Variants in TADA2A observed in about 807,000 individuals in gnomAD.
The protein encoded by TADA2A is transcriptional adapter 2-alpha.
Under a neutral mutation model 67.4 loss-of-function variants are expected in TADA2A, and 38 were observed. The ratio of observed to expected loss-of-function variants is 0.56; its 90% CI spans 0.44 to 0.74. The LOEUF (loss-of-function observed/expected upper bound fraction) is 0.74, where lower values mean the gene tolerates loss of function less well. Among genes scored for constraint, TADA2A ranks in the 30% least tolerant of loss-of-function variants. The probability of loss-of-function intolerance (pLI) is 0.00; values close to 1 mark genes in which losing one functional copy is unlikely to be tolerated. For missense variants in TADA2A, 454 were observed against 547.0 expected (o/e 0.83, Z 1.70); for synonymous variants, 192 against 181.6 (o/e 1.06, Z -0.46).
intron 7 of TADA2A, among the ~76,000 whole-genome samples, chr17:37,443,879 A>G (rs924309437): frequency 6.6e-6 from 1 of 152,212 alleles, no homozygotes; most frequent in African/African-American, 2.4e-5. Flanking sequence ...TTGCTCAGCT[A>G]TGGAATTAAA....
At chr17:37,453,759 A>ATTT (rs143096066) in intron 8 of TADA2A, among the ~76,000 whole-genome samples, 20 of 69,104 alleles carry the variant, frequency 2.9e-4, no homozygotes, top group African/African-American at 9.7e-4. Flanking sequence ...GAAATAACTG[A>ATTT]TTTTTTTTTT....
At chr17:37,442,742 T>A in intron 7 of TADA2A, 90 bp downstream of exon 7, 2 of 1,206,752 alleles carry the variant, frequency 1.7e-6, no homozygotes, top group Non-Finnish European at 2.3e-6. Context: ...TCCATACCAC[T>A]AAAAGGAGAT....
chr17:37,425,936 A>G (rs2052391803), intron 3 of TADA2A, among the ~76,000 whole-genome samples: 3 of 149,970 alleles, frequency 2.0e-5, no homozygotes, highest in Admixed American at 6.7e-5. Context: ...GGATTACTCC[A>G]GGCCTACTTC....
chr17:37,438,017 G>A, intron 5 of TADA2A, 188 bp downstream of exon 5: 1 of 591,986 alleles, frequency 1.7e-6, no homozygotes, highest in Non-Finnish European at 3.0e-6. Context: ...ACGAGGATAT[G>A]GGATGTTTAG....
chr17:37,411,241 T>TC, intron 1 of TADA2A, 28 bp from the exon 2 acceptor site: 1 of 820,540 alleles, frequency 1.2e-6, no homozygotes, highest in Non-Finnish European at 2.1e-6. Flanking sequence ...GATTTTCTGA[T>TC]CCATGTGCCA....
At chr17:37,439,769 G>A (rs2052841692) in intron 5 of TADA2A, among the ~76,000 whole-genome samples, 1 of 151,862 alleles carries the variant, frequency 6.6e-6, no homozygotes. Flanking sequence ...TTAAGTGTTT[G>A]GTAAACCGTA....
At position 37,463,557 on chromosome 17, in the gene TADA2A, A is replaced by G. The variant is rs1178002257; in HGVS notation, c.712+1436A>G. ...GAGTTCAAGGCTGCAGTGAGCTATA[A>G]TCATGTCACTGCACTCCAGCCTGGG... On this transcript the variant is annotated intron_variant, in intron 10 of 15. Transcript: ENST00000615182. Among the ~76,000 whole-genome samples the G allele has an allele frequency of 5.9e-5, 9 of 152,006 alleles. No individual in the cohort carries two copies. In the East Asian group the frequency reaches 1.7e-3, roughly 30 times the overall value.
chr17:37,433,600 A>G (rs928540512), intron 4 of TADA2A, among the ~76,000 whole-genome samples: 1 of 152,064 alleles, frequency 6.6e-6, no homozygotes, highest in Non-Finnish European at 1.5e-5. Flanking sequence ...TTGAAGCTAC[A>G]GTGAGCCATG....
At chr17:37,427,412 C>G (rs2052441483) in intron 4 of TADA2A, among the ~76,000 whole-genome samples, 1 of 152,200 alleles carries the variant, frequency 6.6e-6, no homozygotes, top group Admixed American at 6.5e-5. Context: ...TTTTGTTGAG[C>G]AGTTCATTCC....
intron 1 of TADA2A, among the ~76,000 whole-genome samples, chr17:37,409,186 A>G (rs1353478978): frequency 1.3e-5 from 2 of 152,068 alleles, no homozygotes; most frequent in African/African-American, 4.8e-5. Flanking sequence ...GCCTGGTTCA[A>G]GCAACTCTCA....
At position 37,411,269 on chromosome 17, in the gene TADA2A, G is replaced by C. The variant is rs2051857306; in HGVS notation, c.-97G>C. 4 of 1,130,908 alleles carry C rather than the reference G, an allele frequency of 3.5e-6. No homozygotes were observed. The African/African-American group carries it at 6.2e-5, about 18-fold the overall frequency. 70.1% of individuals were successfully genotyped at this position (1,130,908 alleles called of 1,614,324 possible). ...ATGTGCCACTTTTGTTTGTTCCTAGGGAGTCATCAAGCTTTGGTGTATGTG... is the reference window on the plus strand; with the variant it reads ...ATGTGCCACTTTTGTTTGTTCCTAGCGAGTCATCAAGCTTTGGTGTATGTG... On this transcript the variant is annotated splice_region_variant and 5_prime_UTR_variant, in exon 2 of 16. Coordinates refer to ENST00000615182, the MANE Select transcript of TADA2A (RefSeq NM_001166105.3).
intron 4 of TADA2A, among the ~76,000 whole-genome samples, chr17:37,431,430 T>A (rs568759275): frequency 6.6e-6 from 1 of 152,284 alleles, no homozygotes; most frequent in African/African-American, 2.4e-5. Flanking sequence ...ATATTCATAG[T>A]ACGTGCTCAG....
At chr17:37,444,450 T>A (rs1168987216) in intron 7 of TADA2A, among the ~76,000 whole-genome samples, 1 of 152,110 alleles carries the variant, frequency 6.6e-6, no homozygotes, top group Non-Finnish European at 1.5e-5. Flanking sequence ...GAGCAGTATG[T>A]TTAGCTTCAT....
intron 2 of TADA2A, among the ~76,000 whole-genome samples, chr17:37,416,903 G>A (rs115243265): frequency 0.018 from 2,688 of 151,344 alleles, 79 homozygotes; most frequent in African/African-American, 0.062. Context: ...CCTCTCTCTT[G>A]TTTCCTGTTA....
At chr17:37,443,373 C>T (rs1462537044) in intron 7 of TADA2A, among the ~76,000 whole-genome samples, 1 of 151,970 alleles carries the variant, frequency 6.6e-6, no homozygotes, top group African/African-American at 2.4e-5. Flanking sequence ...CCTGTCTCAG[C>T]CTCCCAAGTA....
intron 8 of TADA2A, among the ~76,000 whole-genome samples, chr17:37,453,626 A>G (rs2053291553): frequency 6.6e-6 from 1 of 152,166 alleles, no homozygotes; most frequent in African/African-American, 2.4e-5. Flanking sequence ...TATTGCCCTC[A>G]TGGGCTAAAC....
chr17:37,413,004 T>G (rs1418964517), intron 2 of TADA2A, among the ~76,000 whole-genome samples: 1 of 152,014 alleles, frequency 6.6e-6, no homozygotes, highest in African/African-American at 2.4e-5. Flanking sequence ...CTCGGCTTAC[T>G]GCAACCTCCA....
At position 37,470,402 on chromosome 17, in the gene TADA2A, G is replaced by A. The variant is rs761105676; in HGVS notation, c.898G>A (p.Ala300Thr). 6.2e-7 allele frequency: 1 copy of A among 1,613,694 alleles called. No individual in the cohort carries two copies. The highest frequency in any genetic ancestry group is 2.2e-5 in the East Asian group (1 of 44,822). The change falls in exon 13 of 16, where the codon GCC becomes ACC. Residue 300 changes from alanine to threonine, a missense_variant and splice_region_variant. This residue lies in a region of TADA2A where 403 missense variants were observed against 455.5 expected (regional missense o/e 0.88). Transcript: ENST00000615182. ...CATTGTGTTTTCTATACCCCCAGGTGCCAGAACCTACGATCACCTCAAGAA... is the reference window on the plus strand; with the variant it reads ...CATTGTGTTTTCTATACCCCCAGGTACCAGAACCTACGATCACCTCAAGAA... ...RTAGITNFCS[A>T]RTYDHLKKTR... is the part of the protein sequence containing the mutation.
chr17:37,465,603 T>G (rs761621426), intron 11 of TADA2A, 62 bp downstream of exon 11: 52 of 1,602,522 alleles, frequency 3.2e-5, no homozygotes, highest in Non-Finnish European at 3.4e-5. Context: ...ATAGGAGAGA[T>G]AATGGTGTGT....
Sources: gnomAD v4.1 joint callset for allele counts (sites outside exome capture counted in the v4.1 genomes callset) on GRCh38, gnomAD v4.1.1 for gene constraint, gnomAD v4.1.1 regional missense constraint, MANE v1.5 for transcripts, NCBI Gene and HGNC (gene_info 2026-07-23, HGNC 2026-07-21) for gene names.